Variants in TICRR observed in about 807,000 individuals in gnomAD.
TICRR encodes treslin.
In TICRR, 132 loss-of-function variants were observed where a neutral mutation model predicts 178.1. That is an observed-to-expected ratio of 0.74 (90% CI 0.64 to 0.86). TICRR has a LOEUF of 0.86. Among genes scored for constraint, TICRR ranks in the 40% least tolerant of loss-of-function variants. The probability of loss-of-function intolerance (pLI) is 0.00; values close to 1 mark genes in which losing one functional copy is unlikely to be tolerated. For missense variants in TICRR, 2,587 were observed against 2,334.3 expected (o/e 1.11, Z -2.23); for synonymous variants, 991 against 900.7 (o/e 1.10, Z -1.79).
intron 1 of TICRR, among the ~76,000 whole-genome samples, chr15:89,578,792 C>T (rs1371604320): frequency 2.0e-5 from 3 of 152,096 alleles, no homozygotes; most frequent in Non-Finnish European, 4.4e-5. Context: ...GCTGTATCCC[C>T]TAAGAAAATG....
Position 89,592,094 on chromosome 15 carries a change from C to T in TICRR, c.1459C>T (p.Pro487Ser), listed in dbSNP as rs143515773. Residue 487 changes from proline (P) to serine (S), a missense_variant, in exon 5 of 22, where the codon CCC (proline) becomes TCC (serine). Pro to Ser is a moderately conservative substitution (Grantham distance 74). Transcript: ENST00000268138. The stretch of plus-strand genomic sequence containing the variant: ...CCAGCAGGAGCTTGGCCACACCACT[C>T]CCTGGAGTCCAGCTGTTGTGGAAAA... ...WAQQELGHTT[P>S]WSPAVVEKWF... 1.3e-3 allele frequency: 2,157 copies of T among 1,612,640 alleles called. 32 individuals are homozygous for T. In the African/African-American group the frequency reaches 0.025, roughly 19 times the overall value.
At chr15:89,591,915 A>G in intron 4 of TICRR, 132 bp from the exon 5 acceptor site, 1 of 698,110 alleles carries the variant, frequency 1.4e-6, no homozygotes, top group East Asian at 2.8e-5. Flanking sequence ...GCCGGAGAAC[A>G]AATGTTAACT....
chr15:89,597,362 A>G (rs921685635), intron 7 of TICRR, among the ~76,000 whole-genome samples: 1 of 151,988 alleles, frequency 6.6e-6, no homozygotes, highest in Non-Finnish European at 1.5e-5. Context: ...TGTCTCTACT[A>G]AAAATACAAA....
chr15:89,583,500 C>T (rs1352173265), intron 2 of TICRR, among the ~76,000 whole-genome samples: 2 of 152,102 alleles, frequency 1.3e-5, no homozygotes, highest in East Asian at 3.8e-4. Context: ...GAGATATGTA[C>T]ATAAAACTGT....
chr15:89,618,166 G>T lies in TICRR; in HGVS notation c.2975G>T (p.Gly992Val), dbSNP rs775346523. The change falls in exon 17 of 22, where the codon GGT (glycine) becomes GTT (valine). Residue 992 changes from glycine (G) to valine (V), a missense_variant. Coordinates refer to ENST00000268138, the MANE Select transcript of TICRR (RefSeq NM_152259.4). ...RQIKGRSSDPGPDIGVVEESP... is the reference protein window; with the variant it reads ...RQIKGRSSDPVPDIGVVEESP... ...GGTTCCTCGAGGTCCTCTGATCCTG[G>T]TCCTGATATTGGTGTTGTTGAAGAG... 4.3e-6 allele frequency: 7 copies of T among 1,614,124 alleles called. No individual in the cohort carries two copies. The highest frequency in any genetic ancestry group is 5.9e-6 in the Non-Finnish European group (7 of 1,180,018).
At chr15:89,604,500 G>A (rs1013048369) in intron 13 of TICRR, among the ~76,000 whole-genome samples, 11 of 152,196 alleles carry the variant, frequency 7.2e-5, no homozygotes, top group Admixed American at 2.0e-4. Context: ...ACGCCTGGGC[G>A]CAGTGGTTCA....
intron 4 of TICRR, among the ~76,000 whole-genome samples, chr15:89,588,685 G>C (rs1193497953): frequency 6.6e-6 from 1 of 152,162 alleles, no homozygotes; most frequent in Non-Finnish European, 1.5e-5. Context: ...TGGGGCACCA[G>C]AGGTGAGGAA....
intron 4 of TICRR, among the ~76,000 whole-genome samples, chr15:89,587,385 T>A (rs761620392): frequency 6.6e-6 from 1 of 151,998 alleles, no homozygotes. Flanking sequence ...ATGATGGGAG[T>A]CATCAGTGAT....
intron 13 of TICRR, among the ~76,000 whole-genome samples, chr15:89,603,907 T>C (rs1361666315): frequency 6.6e-6 from 1 of 152,194 alleles, no homozygotes; most frequent in Non-Finnish European, 1.5e-5. Context: ...TTGTACTATA[T>C]TCACCCATTT....
At position 89,625,468 on chromosome 15, in the gene TICRR, G is replaced by A; in HGVS notation, c.5158G>A (p.Gly1720Ser). 1 of 1,613,890 alleles carries A rather than the reference G, an allele frequency of 6.2e-7. No homozygotes were observed. The highest frequency in any genetic ancestry group is 8.5e-7 in the Non-Finnish European group (1 of 1,179,988). Residue 1720 changes from glycine to serine, a missense_variant, in exon 20 of 22, where the codon GGC becomes AGC. Transcript: ENST00000268138. ...GAGCCTGTCACTGCTTGAGTCAGAG[G>A]GCAAGGACCACGGCCTTGAACTCAG... is the stretch of plus-strand genomic sequence containing the variant. Reference protein sequence around the residue: ...PGSLSLLESEGKDHGLELSIH... With the variant: ...PGSLSLLESESKDHGLELSIH...
intron 2 of TICRR, 89 bp from the exon 3 acceptor site, chr15:89,584,197 C>G (rs1962778452): frequency 7.9e-7 from 1 of 1,270,726 alleles, no homozygotes. Context: ...TATTAAATCT[C>G]TTTTTAGTAT....
chr15:89,581,548 G>C (rs1962725569), intron 1 of TICRR, among the ~76,000 whole-genome samples: 1 of 152,218 alleles, frequency 6.6e-6, no homozygotes, highest in Non-Finnish European at 1.5e-5. Flanking sequence ...AAGAAAGAAG[G>C]GGAGGCCCAG....
chr15:89,606,682 A>G, intron 13 of TICRR, 86 bp from the exon 14 acceptor site: 1 of 1,039,932 alleles, frequency 9.6e-7, no homozygotes, highest in Non-Finnish European at 1.5e-6. Flanking sequence ...GAATTACAAG[A>G]GTCAAAGAGT....
At chr15:89,610,476 T>A (rs1370412874) in intron 15 of TICRR, among the ~76,000 whole-genome samples, 1 of 152,218 alleles carries the variant, frequency 6.6e-6, no homozygotes, top group Non-Finnish European at 1.5e-5. Context: ...TGTTTTGTAA[T>A]CTTTCTTGGC....
intron 4 of TICRR, among the ~76,000 whole-genome samples, chr15:89,587,758 G>A (rs1962846209): frequency 6.6e-6 from 1 of 152,104 alleles, no homozygotes; most frequent in Non-Finnish European, 1.5e-5. Flanking sequence ...AGTGTGAGTG[G>A]GAATACGTTC....
chr15:89,621,699 GATT>G, intron 19 of TICRR, 149 bp downstream of exon 19: 1 of 689,702 alleles, frequency 1.4e-6, no homozygotes, highest in Non-Finnish European at 2.4e-6. Context: ...CCACATGAAT[GATT>G]ATTAGACACG....
At chr15:89,615,639 C>G (rs1963323721) in intron 15 of TICRR, among the ~76,000 whole-genome samples, 2 of 152,078 alleles carry the variant, frequency 1.3e-5, no homozygotes, top group Non-Finnish European at 2.9e-5. Context: ...GGCATCACTC[C>G]TCTTTACTAA....
chr15:89,592,843 G>C (rs180846777), intron 5 of TICRR, among the ~76,000 whole-genome samples: 4 of 152,332 alleles, frequency 2.6e-5, no homozygotes, highest in Non-Finnish European at 1.5e-5. Flanking sequence ...CCATTCAGTT[G>C]TTCCAACACC....
chr15:89,583,279 C>G (rs1303478437), intron 2 of TICRR, among the ~76,000 whole-genome samples: 2 of 152,174 alleles, frequency 1.3e-5, no homozygotes. Flanking sequence ...TTCATTGCCT[C>G]ATAGAGTAGA....
Sources: allele counts gnomAD v4.1 joint callset (sites outside exome capture counted in the v4.1 genomes callset), GRCh38; gene constraint gnomAD v4.1.1; transcripts MANE v1.5; gene names NCBI Gene and HGNC (gene_info 2026-07-23, HGNC 2026-07-21).